The following RP1 variants were observed in gnomAD, a reference collection of about 807,000 sequenced individuals.
RP1 encodes the protein oxygen-regulated protein 1.
In RP1, 16 loss-of-function variants were observed where a neutral mutation model predicts 14.8. The ratio of observed to expected loss-of-function variants is 1.08; its 90% CI spans 0.73 to 1.65. The LOEUF (loss-of-function observed/expected upper bound fraction) is 1.65, where lower values mean the gene tolerates loss of function less well. RP1 is among the 40% of genes most tolerant of loss of function. The probability of loss-of-function intolerance (pLI) is 0.00; values close to 1 mark genes in which losing one functional copy is unlikely to be tolerated. For synonymous variants in RP1, 876 were observed against 883.6 expected, an observed-to-expected ratio of 0.99 and a Z score of 0.15; for missense variants, 2,631 against 2,535.0, an observed-to-expected ratio of 1.04 and a Z score of -0.81.
In RP1 at chr8:54,741,709, A is replaced by G. The variant is rs111272896; in HGVS notation, c.2808+2680A>G. On this transcript the variant is annotated intron_variant, in intron 19 of 22. Transcript: ENST00000636932. ...TACATATAAATACAAATGTGTGTGTATATATATATATATATATATATATAT... is the reference window on the plus strand; with the variant it reads ...TACATATAAATACAAATGTGTGTGTGTATATATATATATATATATATATAT... Among the ~76,000 whole-genome samples the G allele has an allele frequency of 9.8e-3, 673 of 68,786 alleles. 2 individuals are homozygous for G. Among genetic ancestry groups the G allele is most frequent in the African/African-American group, 0.032 (498 of 15,376 alleles). 45.1% of individuals were successfully genotyped at this position (68,786 alleles called of 152,430 possible).
chr8:54,843,010 C>T (rs914289418), intron 25 of RP1, among the ~76,000 whole-genome samples: 2 of 152,172 alleles, frequency 1.3e-5, no homozygotes, highest in African/African-American at 4.8e-5. Context: ...AACTCCACTC[C>T]CCTCCCAACT....
At chr8:54,869,774 CCTTT>C (rs1218475805) in intron 28 of RP1, 5 of 551,910 alleles carry the variant, frequency 9.1e-6, no homozygotes, top group East Asian at 7.0e-5. Flanking sequence ...GTTTTTTTTT[CCTTT>C]CTAACTAATG....
At chr8:54,569,576 A>G (rs1804477411) in intron 1 of RP1, among the ~76,000 whole-genome samples, 1 of 152,180 alleles carries the variant, frequency 6.6e-6, no homozygotes, top group East Asian at 1.9e-4. Flanking sequence ...ATGAAAAAAC[A>G]TTCACTGTCT....
At chr8:54,765,807 C>T (rs970624689) in intron 22 of RP1, among the ~76,000 whole-genome samples, 1 of 152,184 alleles carries the variant, frequency 6.6e-6, no homozygotes, top group Non-Finnish European at 1.5e-5. Context: ...TCTTTAAATT[C>T]CTCCAGCACT....
intron 8 of RP1, among the ~76,000 whole-genome samples, chr8:54,676,248 G>A (rs962274588): frequency 5.3e-5 from 8 of 152,180 alleles, no homozygotes; most frequent in African/African-American, 1.2e-4. Flanking sequence ...AACAAGTTAT[G>A]GGTTCACCAC....
intron 15 of RP1, among the ~76,000 whole-genome samples, chr8:54,717,644 T>C (rs928007124): frequency 3.3e-5 from 5 of 152,150 alleles, no homozygotes; most frequent in African/African-American, 9.7e-5. Context: ...GCTAATATTA[T>C]ACTTAATAGT....
At position 54,578,501 on chromosome 8, in the gene RP1, C is replaced by G. The variant is rs192261582; in HGVS notation, c.-13+19181C>G. On this transcript the variant is annotated intron_variant, in intron 1 of 22. Coordinates refer to the RP1 transcript ENST00000636932. ...AGGATTATAGGTGTGAGCCACTGCA[C>G]CTGACCTAATTTTTTAAGAATATTA... 1.7e-3 allele frequency among the ~76,000 whole-genome samples: 255 copies of G among 152,260 alleles called. 1 individual carries two copies. Among genetic ancestry groups the G allele is most frequent in the Admixed American group, 4.3e-3 (66 of 15,298 alleles).
upstream of RP1, among the ~76,000 whole-genome samples, chr8:54,613,132 T>C (rs1384203817): frequency 1.3e-5 from 2 of 152,062 alleles, no homozygotes; most frequent in East Asian, 3.9e-4. Flanking sequence ...AACAAATGAG[T>C]AAAGAAGGAA....
chr8:54,839,315 A>G (rs1330890013), intron 25 of RP1, among the ~76,000 whole-genome samples: 3 of 152,122 alleles, frequency 2.0e-5, no homozygotes, highest in African/African-American at 7.2e-5. Flanking sequence ...TTAGGTGTTT[A>G]CCATCCCATC....
intron 19 of RP1, among the ~76,000 whole-genome samples, chr8:54,752,020 G>T (rs886293313): frequency 6.6e-6 from 1 of 152,168 alleles, no homozygotes; most frequent in African/African-American, 2.4e-5. Flanking sequence ...GCATGGAGAG[G>T]TTAATGTAGA....
chr8:54,742,151 T>C (rs1809113421), intron 19 of RP1, among the ~76,000 whole-genome samples: 3 of 152,144 alleles, frequency 2.0e-5, no homozygotes. Context: ...TTGAGATTTC[T>C]GTATGGAAGC....
exon 29 of RP1, chr8:54,870,522 G>A (rs1470168558): frequency 1.3e-5 from 2 of 152,152 alleles, no homozygotes; most frequent in Non-Finnish European, 2.9e-5. Context: ...CACGTCCTGT[G>A]GGTCCACTTG....
At chr8:54,776,092 C>T (rs999748779) in intron 23 of RP1, among the ~76,000 whole-genome samples, 10 of 152,132 alleles carry the variant, frequency 6.6e-5, no homozygotes, top group African/African-American at 2.4e-4. Flanking sequence ...ACTATTTATA[C>T]AGCATTTATA....
At chr8:54,585,643 G>A (rs995586862) in intron 1 of RP1, among the ~76,000 whole-genome samples, 1 of 152,178 alleles carries the variant, frequency 6.6e-6, no homozygotes, top group Non-Finnish European at 1.5e-5. Flanking sequence ...CCAATAAGAG[G>A]TAGATTTGGT....
intron 7 of RP1, among the ~76,000 whole-genome samples, chr8:54,668,670 A>C (rs1393336720): frequency 6.6e-6 from 1 of 152,212 alleles, no homozygotes; most frequent in Non-Finnish European, 1.5e-5. Context: ...ACTGGTACCA[A>C]AACAGAGATA....
chr8:54,717,511 G>C (rs958248002), intron 15 of RP1, among the ~76,000 whole-genome samples: 1 of 152,078 alleles, frequency 6.6e-6, no homozygotes, highest in African/African-American at 2.4e-5. Context: ...TAGATCATGT[G>C]GATTACTGAA....
At position 54,629,555 on chromosome 8, in the gene RP1, G is replaced by T. The variant is rs139088785; in HGVS notation, c.5673G>T (p.Leu1891Phe). The change falls in exon 4 of 4, where the codon TTG (leucine) becomes TTT (phenylalanine). Residue 1891 changes from leucine to phenylalanine, a missense_variant. Physicochemically the swap from Leu to Phe is conservative, Grantham distance 22 (BLOSUM62 0). Transcript: ENST00000220676. ...VSDDAIKNQP[L>F]PGSNMIHGTL... is the part of the protein sequence containing the mutation. ...ATGATGCTATTAAAAACCAACCATT[G>T]CCTGGCAGTAATATGATTCATGGTA... 842 of 1,613,992 alleles carry T rather than the reference G, an allele frequency of 5.2e-4. No individual in the cohort carries two copies. Among genetic ancestry groups the T allele is most frequent in the Non-Finnish European group, 6.6e-4 (782 of 1,180,012 alleles).
chr8:54,663,570 C>A, intron 6 of RP1: 1 of 790,866 alleles, frequency 1.3e-6, no homozygotes, highest in Non-Finnish European at 1.8e-6. Flanking sequence ...TTTTTTACTG[C>A]CTGTGGTTTC....
chr8:54,745,496 T>C (rs559570064), intron 19 of RP1, among the ~76,000 whole-genome samples: 94 of 152,210 alleles, frequency 6.2e-4, no homozygotes, highest in Admixed American at 2.2e-3. Flanking sequence ...CAAAAATGAG[T>C]TTTTATGGTA....
Sources: gnomAD v4.1 joint callset for allele counts (sites outside exome capture counted in the v4.1 genomes callset) on GRCh38, gnomAD v4.1.1 for gene constraint, MANE v1.5 for transcripts, NCBI Gene and HGNC (gene_info 2026-07-23, HGNC 2026-07-21) for gene names.